Variants in PAX9 observed in about 807,000 individuals in gnomAD.
The protein encoded by PAX9 is paired box protein Pax-9.
Under a neutral mutation model 29.1 loss-of-function variants are expected in PAX9, and 6 were observed. The ratio of observed to expected loss-of-function variants is 0.21; its 90% CI spans 0.11 to 0.41. The LOEUF (loss-of-function observed/expected upper bound fraction) is 0.41, where lower values mean the gene tolerates loss of function less well. Ranked by LOEUF, PAX9 falls within the 10% of genes least tolerant of loss-of-function variation. The probability of loss-of-function intolerance (pLI) is 1.00; values close to 1 mark genes in which losing one functional copy is unlikely to be tolerated. For missense variants in PAX9, 443 were observed against 479.1 expected (o/e 0.92, Z 0.70); for synonymous variants, 217 against 211.7 (o/e 1.03, Z -0.22).
intron 2 of PAX9, 63 bp from the exon 3 acceptor site, chr14:36,666,399 C>A (rs1881488136): frequency 2.5e-6 from 4 of 1,575,910 alleles, no homozygotes; most frequent in African/African-American, 2.7e-5. Flanking sequence ...GTTTGGGTCC[C>A]GTCTCAAGAG....
At position 36,663,409 on chromosome 14, in the gene PAX9, G is replaced by C; in HGVS notation, c.517G>C (p.Val173Leu). The change falls in exon 2 of 4, where the codon GTG (valine) becomes CTG (leucine). Residue 173 changes from valine (V) to leucine (L), a missense_variant. Physicochemically the swap from Val to Leu is conservative, Grantham distance 32. Around this residue, in one of 2 missense-constraint regions of PAX9, gnomAD observed 336 missense variants for 317.2 expected, o/e 1.06. Transcript: ENST00000361487. ...PSPITAAAAK[V>L]PTPPGVPAIP... ...CCCTATCACGGCGGCGGCCGCCAAG[G>C]TGCCCACGCCACCCGGGGTGCCTGC... The C allele has an allele frequency of 6.2e-7, 1 of 1,613,236 alleles. No individual in the cohort carries two copies. The highest frequency in any genetic ancestry group is 8.5e-7 in the Non-Finnish European group (1 of 1,179,816).
chr14:36,679,312 C>G lies in PAX9; in HGVS notation c.*2860C>G. 1.0e-6 allele frequency: 1 copy of G among 973,614 alleles called. No individual in the cohort carries two copies. Among genetic ancestry groups the G allele is most frequent in the Non-Finnish European group, 1.2e-6 (1 of 819,392 alleles). 60.3% of individuals were successfully genotyped at this position (973,614 alleles called of 1,614,324 possible). On this transcript the variant is annotated 3_prime_UTR_variant, in exon 4 of 4. Transcript: ENST00000361487. ...GTATGTATATACAGTATGTCAAAAG[C>G]CTTTTATTTTTATACTTCAAATGCT...
At position 36,666,500 on chromosome 14, in the gene PAX9, G is replaced by A; in HGVS notation, c.670G>A (p.Glu224Lys). The A allele has an allele frequency of 3.7e-6, 6 of 1,609,442 alleles. No homozygotes were observed. Among genetic ancestry groups the A allele is most frequent in the Non-Finnish European group, 5.1e-6 (6 of 1,178,248 alleles). Residue 224 changes from glutamate to lysine, a missense_variant, in exon 3 of 4, where the codon GAG becomes AAG. By Grantham distance (56) the Glu-to-Lys change is moderately conservative. Coordinates refer to ENST00000361487, the MANE Select transcript of PAX9 (RefSeq NM_001372076.1). Reference sequence around the variant, plus strand: ...CCCCTACCACAGCCCCAAGGTGGAGGAGTGGAGCAGCCTGGGCCGCAACAA... The same window carrying A: ...CCCCTACCACAGCCCCAAGGTGGAGAAGTGGAGCAGCCTGGGCCGCAACAA... ...SSPYHSPKVE[E>K]WSSLGRNNFP...
upstream of PAX9, among the ~76,000 whole-genome samples, chr14:36,660,073 G>A (rs988628366): frequency 2.0e-5 from 3 of 152,126 alleles, no homozygotes; most frequent in Non-Finnish European, 2.9e-5. Flanking sequence ...ATTCCTTCCT[G>A]GTCAAGTTGC....
upstream of PAX9, among the ~76,000 whole-genome samples, chr14:36,660,136 A>C (rs2073242): frequency 0.6 from 90,731 of 151,930 alleles, 27,442 homozygotes; most frequent in East Asian, 0.75. Context: ...AAGCTCCCCT[A>C]CGATGCGGCA....
At chr14:36,658,128 C>T (rs1881102006), upstream of PAX9, among the ~76,000 whole-genome samples, 1 of 152,178 alleles carries the variant, frequency 6.6e-6, no homozygotes, top group South Asian at 2.1e-4. Flanking sequence ...GGCCGCTTAC[C>T]CTGCAAGACG....
intron 3 of PAX9, among the ~76,000 whole-genome samples, chr14:36,671,480 A>ATTTTGCTTGTTTTGTGC (rs201301060): frequency 0.027 from 4,085 of 152,176 alleles, 175 homozygotes; most frequent in African/African-American, 0.094. Context: ...CTTAAAGTGT[A>ATTTTGCTTGTTTTGTGC]ATGCTTGTTT....
At chr14:36,668,168 C>G (rs1420984560) in intron 3 of PAX9, among the ~76,000 whole-genome samples, 1 of 152,100 alleles carries the variant, frequency 6.6e-6, no homozygotes, top group African/African-American at 2.4e-5. Context: ...AGTCAAAAAG[C>G]TTCAAGAGAT....
chr14:36,663,960 G>A (rs749198796), intron 2 of PAX9, among the ~76,000 whole-genome samples: 10 of 152,206 alleles, frequency 6.6e-5, no homozygotes, highest in Non-Finnish European at 1.2e-4. Flanking sequence ...GGATCACTAC[G>A]GCCGGGAGAA....
Position 36,677,270 on chromosome 14 carries a change from C to T in PAX9, c.*818C>T, listed in dbSNP as rs11847165. ...GTGGTGGGCTGCTCGGGCTCCTGGA[C>T]CTGGACTTGCCCCCAAATTTTGTGT... On this transcript the variant is annotated 3_prime_UTR_variant, in exon 4 of 4. Coordinates refer to ENST00000361487, the MANE Select transcript of PAX9 (RefSeq NM_001372076.1). 28,811 of 151,858 alleles carry T rather than the reference C, an allele frequency of 0.19. 3,022 individuals are homozygous for T. Among genetic ancestry groups the T allele is most frequent in the Admixed American group, 0.32 (4,869 of 15,220 alleles). The allele number at this position is 151,858 out of a possible 1,614,324, so 9.4% of individuals were successfully genotyped here.
upstream of PAX9, chr14:36,658,850 A>G (rs1273457345): frequency 6.6e-6 from 1 of 152,226 alleles, no homozygotes; most frequent in African/African-American, 2.4e-5. Flanking sequence ...CTGGGGTCTA[A>G]AGCTTCCCCA....
rs3061562 is a variant in PAX9, at chr14:36,672,852, C to CTTTTTTTTTTTTTTTTTTTTTTTTT, written c.772-3340_772-3316dup. Among the ~76,000 whole-genome samples, 62 of 19,158 alleles carry CTTTTTTTTTTTTTTTTTTTTTTTTT rather than the reference C, an allele frequency of 3.2e-3. 25 individuals carry two copies. Among genetic ancestry groups the CTTTTTTTTTTTTTTTTTTTTTTTTT allele is most frequent in the East Asian group, 7.4e-3 (3 of 408 alleles). 12.6% of individuals were successfully genotyped at this position (19,158 alleles called of 152,430 possible). A position where few individuals can be genotyped will look rare whatever the true frequency, so the allele number is the denominator to read the frequency against. On this transcript the variant is annotated intron_variant, in intron 3 of 3. Transcript: ENST00000361487. ...TTCTTTTTTCTTTCTTTCTTTCTTC[C>CTTTTTTTTTTTTTTTTTTTTTTTTT]TTTTTTTTTTTTTTTTTTTTTTTTT... is the stretch of plus-strand genomic sequence containing the variant.
Position 36,679,148 on chromosome 14 carries a change from G to A in PAX9, c.*2696G>A. Reference sequence around the variant, plus strand: ...AGAATATTACCTGCAAGGATAGAATGCAGTTGTGCAACAGAGACACATTCT... The same window carrying A: ...AGAATATTACCTGCAAGGATAGAATACAGTTGTGCAACAGAGACACATTCT... On this transcript the variant is annotated 3_prime_UTR_variant, in exon 4 of 4. Transcript: ENST00000361487. 1.0e-5 allele frequency: 10 copies of A among 985,344 alleles called. No homozygotes were observed. The highest frequency in any genetic ancestry group is 1.2e-5 in the Non-Finnish European group (10 of 829,896). 61.0% of individuals were successfully genotyped at this position (985,344 alleles called of 1,614,324 possible). A position where few individuals can be genotyped will look rare whatever the true frequency, so the allele number is the denominator to read the frequency against.
intron 3 of PAX9, among the ~76,000 whole-genome samples, chr14:36,673,541 A>G (rs1881773837): frequency 1.4e-4 from 1 of 6,914 alleles, no homozygotes; most frequent in Non-Finnish European, 3.9e-4. Flanking sequence ...AAGTGGGTCC[A>G]TGTAAGGGGA....
chr14:36,667,460 C>T (rs1881549875), intron 3 of PAX9, among the ~76,000 whole-genome samples: 1 of 152,060 alleles, frequency 6.6e-6, no homozygotes, highest in East Asian at 1.9e-4. Context: ...TGTAAGGTTT[C>T]CCCAGCAGAC....
rs1413118541 is a variant in PAX9, at chr14:36,678,520, A to G, written c.*2068A>G. 1.3e-6 allele frequency: 2 copies of G among 1,536,890 alleles called. No individual in the cohort carries two copies. The highest frequency in any genetic ancestry group is 1.7e-6 in the Non-Finnish European group (2 of 1,146,754). The stretch of plus-strand genomic sequence containing the variant: ...AATAGACTATAAACTGAATGGAACA[A>G]AGATCCAATCCAATATTTTGGTGGA... On this transcript the variant is annotated 3_prime_UTR_variant, in exon 4 of 4. Coordinates refer to ENST00000361487, the MANE Select transcript of PAX9 (RefSeq NM_001372076.1).
At chr14:36,669,722 T>C (rs940945816) in intron 3 of PAX9, among the ~76,000 whole-genome samples, 4 of 152,162 alleles carry the variant, frequency 2.6e-5, no homozygotes, top group South Asian at 2.1e-4. Context: ...TAAAACTGTA[T>C]GCACATTTCA....
At chr14:36,659,073 A>T (rs531107999), upstream of PAX9, among the ~76,000 whole-genome samples, 16 of 152,340 alleles carry the variant, frequency 1.1e-4, no homozygotes, top group East Asian at 2.9e-3. Flanking sequence ...CGACGCGGCT[A>T]GGGAAAGGCT....
intron 3 of PAX9, 68 bp downstream of exon 3, chr14:36,666,669 T>G: frequency 6.5e-7 from 1 of 1,530,612 alleles, no homozygotes; most frequent in Non-Finnish European, 8.9e-7. Flanking sequence ...GAACACTTTG[T>G]GATGGGTCCC....
Sources: gnomAD v4.1 joint callset for allele counts (sites outside exome capture counted in the v4.1 genomes callset) on GRCh38, gnomAD v4.1.1 for gene constraint, gnomAD v4.1.1 regional missense constraint, MANE v1.5 for transcripts, NCBI Gene and HGNC (gene_info 2026-07-23, HGNC 2026-07-21) for gene names.